The following DIAPH3 variants were observed in gnomAD, a reference collection of about 807,000 sequenced individuals.
The protein encoded by DIAPH3 is diaphanous related formin 3.
DIAPH3 carries 117 observed loss-of-function variants against 144.3 expected under a neutral mutation model. That is an observed-to-expected ratio of 0.81 (90% CI 0.70 to 0.95). The LOEUF (loss-of-function observed/expected upper bound fraction) is 0.95. Among genes scored for constraint, DIAPH3 ranks in the 40% least tolerant of loss-of-function variants. DIAPH3 has a pLI of 0.00. For missense variants in DIAPH3, 1,421 were observed against 1,412.7 expected (o/e 1.01, Z -0.09); for synonymous variants, 519 against 488.9 (o/e 1.06, Z -0.81).
intron 9 of DIAPH3, among the ~76,000 whole-genome samples, chr13:59,993,714 A>AAAAAAAAAC (rs2051996018): frequency 6.7e-6 from 1 of 150,068 alleles, no homozygotes; most frequent in African/African-American, 2.4e-5. Flanking sequence ...AAAAAAAAAA[A>AAAAAAAAAC]AAAAAAAACT....
chr13:59,894,101 T>G (rs956109316), intron 20 of DIAPH3, among the ~76,000 whole-genome samples: 1 of 152,134 alleles, frequency 6.6e-6, no homozygotes, highest in African/African-American at 2.4e-5. Context: ...TTTGGGAGCA[T>G]TCAGATCAAA....
intron 27 of DIAPH3, among the ~76,000 whole-genome samples, chr13:59,707,742 T>G (rs904495145): frequency 2.6e-5 from 4 of 152,172 alleles, no homozygotes; most frequent in Non-Finnish European, 4.4e-5. Flanking sequence ...CAAACTCCCT[T>G]CACTGCTGAC....
intron 14 of DIAPH3, among the ~76,000 whole-genome samples, chr13:59,976,938 T>C (rs558643740): frequency 3.9e-4 from 60 of 152,012 alleles, no homozygotes; most frequent in Admixed American, 3.6e-3. Flanking sequence ...GTTGCTATTC[T>C]TTGTAAAGGG....
rs559146829 is a variant in DIAPH3, at chr13:60,038,968, A to T, written c.626+3722T>A. ...AAACATAATTATTGACTATGTCAAG[A>T]TCCACTAAAAATAATATTTGATAAT... On this transcript the variant is annotated intron_variant, in intron 5 of 27. Transcript: ENST00000400324. Among the ~76,000 whole-genome samples the T allele has an allele frequency of 4.6e-5, 7 of 152,230 alleles. No individual in the cohort carries two copies. The East Asian group carries it at 1.4e-3, about 29-fold the overall frequency.
chr13:59,690,003 C>A (rs529914683), intron 27 of DIAPH3, among the ~76,000 whole-genome samples: 2 of 152,134 alleles, frequency 1.3e-5, no homozygotes, highest in Admixed American at 1.3e-4. Context: ...TGTCACTTTA[C>A]CCAAGAGGAA....
intron 9 of DIAPH3, among the ~76,000 whole-genome samples, chr13:59,997,893 T>C (rs946699787): frequency 6.6e-6 from 1 of 151,998 alleles, no homozygotes; most frequent in African/African-American, 2.4e-5. Context: ...TAAATCCAGA[T>C]TGAAAACAAG....
chr13:60,152,156 A>C (rs1951818131), intron 1 of DIAPH3, among the ~76,000 whole-genome samples: 1 of 152,180 alleles, frequency 6.6e-6, no homozygotes, highest in Non-Finnish European at 1.5e-5. Context: ...AATAAAATTA[A>C]CTAAATAAAT....
chr13:60,087,512 TA>T (rs1479158607), intron 4 of DIAPH3, among the ~76,000 whole-genome samples: 1 of 152,220 alleles, frequency 6.6e-6, no homozygotes, highest in African/African-American at 2.4e-5. Flanking sequence ...TTGTGTTGCT[TA>T]AAAAACTTTT....
rs530937028 is a variant in DIAPH3 at position 59,820,296 on chromosome 13, G to A, written c.3028-9373C>T. Among the ~76,000 whole-genome samples the A allele has an allele frequency of 1.3e-4, 20 of 152,026 alleles. No individual in the cohort carries two copies. The South Asian group carries it at 4.1e-3, about 32-fold the overall frequency. On this transcript the variant is annotated intron_variant, in intron 24 of 27. Transcript: ENST00000400324. ...AGTAAAATGGTTGCATCCAATACAA[G>A]CTGCATCACTTGGCAGGAAAGCTAT...
chr13:59,721,882 A>G (rs564479441), intron 27 of DIAPH3, among the ~76,000 whole-genome samples: 2 of 152,212 alleles, frequency 1.3e-5, no homozygotes, highest in Non-Finnish European at 2.9e-5. Context: ...TAATCAAGGC[A>G]GATAGAGGGA....
At chr13:59,902,650 C>T (rs1354444488) in intron 20 of DIAPH3, among the ~76,000 whole-genome samples, 1 of 152,100 alleles carries the variant, frequency 6.6e-6, no homozygotes, top group Non-Finnish European at 1.5e-5. Context: ...GTGGCGCACA[C>T]CTGTAATCCT....
At chr13:60,064,672 T>C (rs752270504) in intron 4 of DIAPH3, among the ~76,000 whole-genome samples, 2 of 152,194 alleles carry the variant, frequency 1.3e-5, no homozygotes, top group African/African-American at 2.4e-5. Flanking sequence ...AACAATAAGA[T>C]TGTTTTGCTT....
intron 4 of DIAPH3, among the ~76,000 whole-genome samples, chr13:60,049,214 A>C (rs993714183): frequency 6.6e-6 from 1 of 152,196 alleles, no homozygotes; most frequent in Non-Finnish European, 1.5e-5. Context: ...CTAACCTGTC[A>C]ATCTTTTCTC....
chr13:60,146,383 T>C (rs1192909451), intron 1 of DIAPH3, among the ~76,000 whole-genome samples: 1 of 152,112 alleles, frequency 6.6e-6, no homozygotes, highest in Non-Finnish European at 1.5e-5. Flanking sequence ...TTCTTGGTGA[T>C]TCAAAAAAAC....
intron 27 of DIAPH3, among the ~76,000 whole-genome samples, chr13:59,748,870 AT>A (rs2036836200): frequency 6.6e-6 from 1 of 152,276 alleles, no homozygotes; most frequent in Admixed American, 6.5e-5. Flanking sequence ...AATTAAGAGT[AT>A]TTCTGACATT....
chr13:59,718,340 A>G (rs922089736), intron 27 of DIAPH3, among the ~76,000 whole-genome samples: 5 of 152,212 alleles, frequency 3.3e-5, no homozygotes, highest in African/African-American at 1.2e-4. Flanking sequence ...TCTTGTTCTG[A>G]AGTCTCCCTG....
At chr13:60,076,443 T>A (rs1336205764) in intron 4 of DIAPH3, among the ~76,000 whole-genome samples, 2 of 152,204 alleles carry the variant, frequency 1.3e-5, no homozygotes, top group Admixed American at 1.3e-4. Flanking sequence ...TCTCTTTTCA[T>A]GGCTGTGTTG....
intron 4 of DIAPH3, among the ~76,000 whole-genome samples, chr13:60,056,116 G>T (rs2141268528): frequency 6.6e-6 from 1 of 151,572 alleles, no homozygotes; most frequent in African/African-American, 2.4e-5. Flanking sequence ...AATATGGAAG[G>T]CTAGAATGAA....
chr13:59,821,547 T>C (rs1384583705), intron 24 of DIAPH3, among the ~76,000 whole-genome samples: 4 of 152,290 alleles, frequency 2.6e-5, no homozygotes, highest in East Asian at 1.9e-4. Context: ...AATTACGTGA[T>C]CTACTTTTCA....
Sources: gnomAD v4.1 joint callset for allele counts (sites outside exome capture counted in the v4.1 genomes callset) on GRCh38, gnomAD v4.1.1 for gene constraint, MANE v1.5 for transcripts, NCBI Gene and HGNC (gene_info 2026-07-23, HGNC 2026-07-21) for gene names.